Variants in ABTB3 observed in about 807,000 individuals in gnomAD.
ABTB3 encodes ankyrin repeat- and BTB/POZ domain-containing protein 3.
At chr12:107,584,550 A>G in the ABTB3 span, among the ~76,000 whole-genome samples, 3 of 152,230 alleles carry the variant, frequency 2.0e-5, no homozygotes, top group Non-Finnish European at 4.4e-5. Flanking sequence ...TTCTTTCTAA[A>G]TAAACAGCCC....
At chr12:107,363,048 T>A in the ABTB3 span, among the ~76,000 whole-genome samples, 3 of 152,174 alleles carry the variant, frequency 2.0e-5, no homozygotes, top group African/African-American at 7.2e-5. Flanking sequence ...CGTATCAGCA[T>A]CACCAGACTT....
At chr12:107,515,417 C>T in the ABTB3 span, among the ~76,000 whole-genome samples, 1 of 152,190 alleles carries the variant, frequency 6.6e-6, no homozygotes, top group South Asian at 2.1e-4. Context: ...TGACCATCAT[C>T]CCCTTTCCCT....
chr12:107,361,902 A>G, the ABTB3 span, among the ~76,000 whole-genome samples: 20 of 152,062 alleles, frequency 1.3e-4, no homozygotes, highest in Admixed American at 2.0e-4. Context: ...ATCCTCATGA[A>G]TGGGATTAGT....
chr12:107,421,185 TA>T, the ABTB3 span, among the ~76,000 whole-genome samples: 7 of 152,330 alleles, frequency 4.6e-5, no homozygotes, highest in African/African-American at 1.7e-4. Flanking sequence ...GCTTTTTAAT[TA>T]GCCTCATACA....
the ABTB3 span, among the ~76,000 whole-genome samples, chr12:107,351,033 A>C: frequency 4.6e-5 from 7 of 152,022 alleles, no homozygotes; most frequent in African/African-American, 7.3e-5. Context: ...AAGATTGGAA[A>C]CCGGAAAAAA....
At chr12:107,330,323 G>A in the ABTB3 span, among the ~76,000 whole-genome samples, 1 of 152,188 alleles carries the variant, frequency 6.6e-6, no homozygotes, top group Non-Finnish European at 1.5e-5. Context: ...GTTGGCATTA[G>A]TTCAGAGAGC....
chr12:107,381,082 A>G, the ABTB3 span, among the ~76,000 whole-genome samples: 1 of 122,016 alleles, frequency 8.2e-6, no homozygotes, highest in African/African-American at 3.0e-5. Context: ...TTCTGTCTAC[A>G]CTACCCACCC....
At chr12:107,628,335 GT>G in the ABTB3 span, among the ~76,000 whole-genome samples, 5 of 152,146 alleles carry the variant, frequency 3.3e-5, no homozygotes, top group Non-Finnish European at 7.4e-5. Context: ...TAGAGACAGG[GT>G]TTTACCATGT....
chr12:107,476,812 A>AGTGT, the ABTB3 span, among the ~76,000 whole-genome samples: 2,103 of 148,606 alleles, frequency 0.014, 58 homozygotes, highest in African/African-American at 0.047. Context: ...GAATGCATGA[A>AGTGT]GTGTGTGTGT....
At chr12:107,580,990 C>CT in the ABTB3 span, 38 of 1,552,018 alleles carry the variant, frequency 2.4e-5, no homozygotes, top group Middle Eastern at 1.7e-4. Flanking sequence ...GGCTCTCCCA[C>CT]TACTCTGGAA....
chr12:107,426,175 G>A, the ABTB3 span, among the ~76,000 whole-genome samples: 597 of 152,218 alleles, frequency 3.9e-3, 6 homozygotes, highest in African/African-American at 0.013. Context: ...ACTTCACAGC[G>A]GTGCCGTGTC....
At chr12:107,505,896 T>G in the ABTB3 span, among the ~76,000 whole-genome samples, 1 of 152,174 alleles carries the variant, frequency 6.6e-6, no homozygotes, top group Non-Finnish European at 1.5e-5. Context: ...TATTCCATGG[T>G]GCATATATGT....
At chr12:107,575,768 C>T in the ABTB3 span, among the ~76,000 whole-genome samples, 3 of 152,178 alleles carry the variant, frequency 2.0e-5, no homozygotes, top group African/African-American at 7.2e-5. Flanking sequence ...TAGGGCCCAC[C>T]TGGAGGCTCC....
At chr12:107,654,813 T>TACACACACAC in the ABTB3 span, among the ~76,000 whole-genome samples, 3 of 95,990 alleles carry the variant, frequency 3.1e-5, no homozygotes, top group African/African-American at 1.6e-4. Flanking sequence ...GTCTACATTG[T>TACACACACAC]ATACACACAC....
the ABTB3 span, among the ~76,000 whole-genome samples, chr12:107,500,862 C>G: frequency 1.3e-5 from 2 of 152,140 alleles, no homozygotes; most frequent in East Asian, 1.9e-4. Flanking sequence ...TCTGTTAGAG[C>G]CTTTAAGTGG....
At chr12:107,406,918 C>T in the ABTB3 span, among the ~76,000 whole-genome samples, 1 of 152,174 alleles carries the variant, frequency 6.6e-6, no homozygotes, top group Non-Finnish European at 1.5e-5. Flanking sequence ...TAGGTGTCCC[C>T]TGAGCTTGGG....
chr12:107,496,782 G>A, the ABTB3 span, among the ~76,000 whole-genome samples: 4 of 152,232 alleles, frequency 2.6e-5, no homozygotes, highest in East Asian at 1.9e-4. Context: ...ACTGAGGCAC[G>A]GAGAGGTTCA....
At chr12:107,549,239 G>A in the ABTB3 span, among the ~76,000 whole-genome samples, 2 of 152,194 alleles carry the variant, frequency 1.3e-5, no homozygotes, top group Admixed American at 6.5e-5. Context: ...AAGAAACAGA[G>A]TTAATAAAAC....
the ABTB3 span, among the ~76,000 whole-genome samples, chr12:107,648,831 C>T: frequency 2.6e-5 from 4 of 151,796 alleles, no homozygotes; most frequent in African/African-American, 7.3e-5. Flanking sequence ...AGCAGTTCCG[C>T]GCAGCATGAC....
Sources: gnomAD v4.1 joint callset for allele counts (sites outside exome capture counted in the v4.1 genomes callset) on GRCh38, gnomAD v4.1.1 for gene constraint, MANE v1.5 for transcripts, NCBI Gene and HGNC (gene_info 2026-07-23, HGNC 2026-07-21) for gene names.